Variants in XKR5 observed in about 807,000 individuals in gnomAD.
The protein encoded by XKR5 is XK-related protein 5.
XKR5 carries 46 observed loss-of-function variants against 40.8 expected under a neutral mutation model. That is an observed-to-expected ratio of 1.13 (90% CI 0.89 to 1.44). The LOEUF (loss-of-function observed/expected upper bound fraction) is 1.44, where lower values mean the gene tolerates loss of function less well. XKR5 is among the 40% of genes most tolerant of loss of function. XKR5 has a pLI of 0.00. For synonymous variants in XKR5, 466 were observed against 356.1 expected (o/e 1.31, Z -3.48); for missense variants, 1,169 against 844.7 (o/e 1.38, Z -4.76).
chr8:6,826,504 G>C (rs1427978788), intron 2 of XKR5, among the ~76,000 whole-genome samples: 1 of 152,128 alleles, frequency 6.6e-6, no homozygotes, highest in African/African-American at 2.4e-5. Context: ...TTTGATGACT[G>C]AACAGGGGAG....
At chr8:6,835,140 G>C (rs2978897) in intron 1 of XKR5, among the ~76,000 whole-genome samples, 77,296 of 150,978 alleles carry the variant, frequency 0.51, 19,995 homozygotes, top group Middle Eastern at 0.58. Context: ...TGCGTGGGGC[G>C]GGGGGATCGT....
chr8:6,825,709 A>G (rs1272829382), intron 2 of XKR5, among the ~76,000 whole-genome samples: 1 of 152,038 alleles, frequency 6.6e-6, no homozygotes, highest in African/African-American at 2.4e-5. Context: ...TCCTCTTGGG[A>G]TGGGAATTCA....
chr8:6,823,520 C>A lies in XKR5; in HGVS notation c.637+1G>T. The A allele has an allele frequency of 6.3e-7, 1 of 1,581,272 alleles. No individual in the cohort carries two copies. The highest frequency in any genetic ancestry group is 8.6e-7 in the Non-Finnish European group (1 of 1,163,320). On this transcript the variant is annotated splice_donor_variant, in intron 4 of 6. Transcript: ENST00000618742. LOFTEE classifies it high-confidence loss of function. ...ATGACCAGATCATTAGCTCAGCTCA[C>A]CTGCAACCACAAAAACCCAAAAGTG...
intron 2 of XKR5, among the ~76,000 whole-genome samples, 181 bp downstream of exon 2, chr8:6,832,536 A>T (rs555460139): frequency 5.9e-5 from 9 of 152,074 alleles, no homozygotes; most frequent in Non-Finnish European, 1.0e-4. Context: ...AGATGCTCAA[A>T]AAAGTGCAGG....
At chr8:6,822,085 G>C (rs1254433473) in intron 4 of XKR5, 47 bp from the exon 5 acceptor site, 1 of 1,546,066 alleles carries the variant, frequency 6.5e-7, no homozygotes, top group African/African-American at 1.4e-5. Context: ...CAAGGAGATG[G>C]GGGGACAGGC....
chr8:6,819,715 G>A (rs952685823), intron 5 of XKR5, among the ~76,000 whole-genome samples: 3 of 152,180 alleles, frequency 2.0e-5, no homozygotes, highest in African/African-American at 7.2e-5. Flanking sequence ...GTGACTGGCA[G>A]GCACTCTTGA....
intron 2 of XKR5, among the ~76,000 whole-genome samples, chr8:6,829,504 C>T (rs1309117078): frequency 1.3e-5 from 2 of 152,016 alleles, no homozygotes; most frequent in African/African-American, 2.4e-5. Flanking sequence ...TGGCTTAAAT[C>T]CTTGCCTTTT....
intron 2 of XKR5, 43 bp from the exon 3 acceptor site, chr8:6,825,392 G>C: frequency 6.8e-7 from 1 of 1,471,666 alleles, no homozygotes; most frequent in East Asian, 2.5e-5. Context: ...CCAGGCTGTG[G>C]CGAGATTCAA....
chr8:6,811,428 A>G lies in XKR5; in HGVS notation c.1831T>C (p.Cys611Arg). 1 of 1,537,042 alleles carries G rather than the reference A, an allele frequency of 6.5e-7. No homozygotes were observed. The highest frequency in any genetic ancestry group is 8.7e-7 in the Non-Finnish European group (1 of 1,146,770). The change falls in exon 7 of 7, where the codon TGC becomes CGC. Residue 611 changes from cysteine (C) to arginine (R), a missense_variant. Cys to Arg is a radical substitution (Grantham distance 180, BLOSUM62 -3). Coordinates refer to ENST00000618742, the MANE Select transcript of XKR5 (RefSeq NM_207411.5). The part of the protein sequence containing the change: ...ILGTGPCRGF[C>R]PSAGFPGRTL... ...CTTCCAGGGAAGCCTGCACTGGGGC[A>G]GAAGCCTCTACATGGGCCTGTGCCT...
At chr8:6,818,670 A>G (rs1215520158) in intron 5 of XKR5, among the ~76,000 whole-genome samples, 1 of 152,224 alleles carries the variant, frequency 6.6e-6, no homozygotes, top group African/African-American at 2.4e-5. Flanking sequence ...GTGGATTCCC[A>G]GGTTGCAGTC....
intron 1 of XKR5, 121 bp from the exon 2 acceptor site, chr8:6,833,021 C>T: frequency 2.1e-6 from 2 of 943,256 alleles, no homozygotes; most frequent in East Asian, 3.2e-5. Context: ...TAAAATCTTT[C>T]TGGCTGGGGA....
intron 2 of XKR5, among the ~76,000 whole-genome samples, chr8:6,826,050 A>G (rs1587189202): frequency 6.6e-6 from 1 of 152,214 alleles, no homozygotes; most frequent in East Asian, 1.9e-4. Context: ...GGGGTATGAG[A>G]TGAATGTGTA....
Position 6,811,134 on chromosome 8 carries a change from T to A in XKR5, c.*64A>T, listed in dbSNP as rs1803656947. Reference sequence around the variant, plus strand: ...CAGGTGTCAGAAGTGGGATTTCCTTTCTCACGGTACCAAATGGCCAGCTTG... The same window carrying A: ...CAGGTGTCAGAAGTGGGATTTCCTTACTCACGGTACCAAATGGCCAGCTTG... On this transcript the variant is annotated 3_prime_UTR_variant, in exon 7 of 7. Coordinates refer to ENST00000618742, the MANE Select transcript of XKR5 (RefSeq NM_207411.5). 1 of 1,450,170 alleles carries A rather than the reference T, an allele frequency of 6.9e-7. No individual in the cohort carries two copies. The highest frequency in any genetic ancestry group is 9.1e-7 in the Non-Finnish European group (1 of 1,096,410). 89.8% of individuals were successfully genotyped at this position (1,450,170 alleles called of 1,614,324 possible). A position where few individuals can be genotyped will look rare whatever the true frequency, so the allele number is the denominator to read the frequency against.
chr8:6,816,839 G>T lies in XKR5; in HGVS notation c.808-921C>A, dbSNP rs192904083. ...TTTGCTAAAACTCTTCAAAAGATTT[G>T]CCAGGTTATTCATTGGCTTCGTTTT... On this transcript the variant is annotated intron_variant, in intron 5 of 6. Coordinates refer to ENST00000618742, the MANE Select transcript of XKR5 (RefSeq NM_207411.5). Among the ~76,000 whole-genome samples, 4 of 151,276 alleles carry T rather than the reference G, an allele frequency of 2.6e-5. No homozygotes were observed. The South Asian group carries it at 8.3e-4, about 32-fold the overall frequency.
intron 5 of XKR5, among the ~76,000 whole-genome samples, chr8:6,819,030 A>C (rs1374004782): frequency 1.3e-5 from 2 of 152,226 alleles, no homozygotes; most frequent in African/African-American, 4.8e-5. Context: ...CAACAGGGCA[A>C]GCTCTGTCTC....
intron 5 of XKR5, among the ~76,000 whole-genome samples, chr8:6,818,164 C>A (rs1421845863): frequency 2.0e-5 from 3 of 152,176 alleles, no homozygotes; most frequent in African/African-American, 7.2e-5. Context: ...TTCCCTCGGA[C>A]GCTGTGCGCA....
At chr8:6,814,693 G>A (rs921789778) in intron 6 of XKR5, among the ~76,000 whole-genome samples, 6 of 152,174 alleles carry the variant, frequency 3.9e-5, no homozygotes, top group Admixed American at 2.0e-4. Context: ...GAAAAAGAAG[G>A]GGTTGTCTCA....
chr8:6,815,856 C>T lies in XKR5; in HGVS notation c.870G>A (p.Ser290=), dbSNP rs1338048000. 21 of 1,605,468 alleles carry T rather than the reference C, an allele frequency of 1.3e-5. No individual in the cohort carries two copies. Among genetic ancestry groups the T allele is most frequent in the African/African-American group, 2.7e-5 (2 of 74,704 alleles). The stretch of plus-strand genomic sequence containing the variant: ...CAGCTATGGTCTGCAGGCTGGTCCA[C>T]GATGCCCCCTGGAGAAAGTCGGTGG... ...LLATDFLQGA[S]WTSLQTIAGV... The change falls in exon 6 of 7, where the codon TCG becomes TCA. Residue 290 remains serine (S), a synonymous_variant. Coordinates refer to ENST00000618742, the MANE Select transcript of XKR5 (RefSeq NM_207411.5).
chr8:6,811,222 CT>C lies in XKR5; in HGVS notation c.2036del (p.Lys679SerfsTer55). The C allele has an allele frequency of 1.3e-6, 2 of 1,536,672 alleles. No homozygotes were observed. Among genetic ancestry groups the C allele is most frequent in the Non-Finnish European group, 1.7e-6 (2 of 1,146,492 alleles). On this transcript the variant is annotated frameshift_variant, in exon 7 of 7. Coordinates refer to ENST00000618742, the MANE Select transcript of XKR5 (RefSeq NM_207411.5). LOFTEE classifies it high-confidence loss of function. ...GTCAGATGAAAAAACTCGGCTCTTG[CT>C]TCATCTGTTCCCTGCAGCTGCAGTC... is the stretch of plus-strand genomic sequence containing the variant. ...QTDCSCREQM[K>X]QEPSFFI
Sources: allele counts gnomAD v4.1 joint callset (sites outside exome capture counted in the v4.1 genomes callset), GRCh38; gene constraint gnomAD v4.1.1; transcripts MANE v1.5; gene names NCBI Gene and HGNC (gene_info 2026-07-23, HGNC 2026-07-21).